The following AFG2A variants were observed in gnomAD, a reference collection of about 807,000 sequenced individuals.
AFG2A encodes AAA ATPase AFG2A, also known as ATPase family gene 2 protein homolog A.
At chr4:123,249,599 T>C in the AFG2A span, among the ~76,000 whole-genome samples, 252 of 152,310 alleles carry the variant, frequency 1.7e-3, 1 homozygote, top group Non-Finnish European at 3.0e-3. Flanking sequence ...ACAGCAGTTA[T>C]GATATTCTAG....
chr4:123,158,855 G>C, the AFG2A span, among the ~76,000 whole-genome samples: 1 of 152,230 alleles, frequency 6.6e-6, no homozygotes, highest in African/African-American at 2.4e-5. Context: ...AAAACTCAAA[G>C]TTCAAATTCA....
the AFG2A span, among the ~76,000 whole-genome samples, chr4:123,115,521 G>T: frequency 4.6e-5 from 7 of 152,072 alleles, no homozygotes; most frequent in African/African-American, 1.7e-4. Context: ...CACTCTGTGC[G>T]CAACTGCAGC....
chr4:123,304,217 G>A, the AFG2A span, among the ~76,000 whole-genome samples: 1 of 152,128 alleles, frequency 6.6e-6, no homozygotes, highest in African/African-American at 2.4e-5. Context: ...GCAGCCAGGA[G>A]CCTGCTGTGC....
At chr4:123,131,324 G>A in the AFG2A span, among the ~76,000 whole-genome samples, 3 of 151,520 alleles carry the variant, frequency 2.0e-5, no homozygotes, top group African/African-American at 4.8e-5. Flanking sequence ...TTTTTATTGC[G>A]GTAAAAAAGC....
the AFG2A span, among the ~76,000 whole-genome samples, chr4:123,067,647 G>T: frequency 1.3e-5 from 2 of 152,254 alleles, no homozygotes; most frequent in South Asian, 4.1e-4. Flanking sequence ...TAAGATGCTG[G>T]TATATAATTT....
At chr4:122,925,547 C>T in the AFG2A span, among the ~76,000 whole-genome samples, 862 of 152,284 alleles carry the variant, frequency 5.7e-3, 8 homozygotes, top group African/African-American at 0.019. Flanking sequence ...ATACCCCCTT[C>T]TGCCCAGGAA....
the AFG2A span, among the ~76,000 whole-genome samples, chr4:122,999,631 T>C: frequency 6.6e-6 from 1 of 152,026 alleles, no homozygotes; most frequent in Admixed American, 6.5e-5. Context: ...ATAGGTGGCA[T>C]TATTTCTGAG....
At chr4:123,065,591 A>G in the AFG2A span, among the ~76,000 whole-genome samples, 1 of 152,228 alleles carries the variant, frequency 6.6e-6, no homozygotes, top group Non-Finnish European at 1.5e-5. Context: ...CTACCTCGAC[A>G]GAGTTTATAC....
chr4:123,007,868 G>C, the AFG2A span, among the ~76,000 whole-genome samples: 2 of 151,860 alleles, frequency 1.3e-5, no homozygotes, highest in Non-Finnish European at 2.9e-5. Flanking sequence ...TAAGTTGGGA[G>C]CAATCATAGG....
the AFG2A span, among the ~76,000 whole-genome samples, chr4:123,138,162 T>G: frequency 6.6e-6 from 1 of 152,194 alleles, no homozygotes; most frequent in Non-Finnish European, 1.5e-5. Flanking sequence ...TGTCCATGCC[T>G]CCTTTCTTGG....
chr4:123,241,365 T>G, the AFG2A span, among the ~76,000 whole-genome samples: 4 of 152,120 alleles, frequency 2.6e-5, no homozygotes, highest in African/African-American at 9.7e-5. Flanking sequence ...CTGATGAACA[T>G]CGATGCGAGA....
At chr4:122,925,356 G>C in the AFG2A span, among the ~76,000 whole-genome samples, 1 of 152,180 alleles carries the variant, frequency 6.6e-6, no homozygotes, top group South Asian at 2.1e-4. Flanking sequence ...GAATGATCTT[G>C]TAAGATGAAG....
chr4:123,247,428 T>C, the AFG2A span, among the ~76,000 whole-genome samples: 46 of 152,212 alleles, frequency 3.0e-4, no homozygotes, highest in South Asian at 7.1e-3. Context: ...TTAAGGGTAA[T>C]TGATCTTTTG....
At chr4:123,200,563 G>A in the AFG2A span, among the ~76,000 whole-genome samples, 1 of 152,218 alleles carries the variant, frequency 6.6e-6, no homozygotes, top group African/African-American at 2.4e-5. Flanking sequence ...TGGTTGCTCG[G>A]TGGAGAGTGC....
At chr4:123,304,158 AC>A in the AFG2A span, among the ~76,000 whole-genome samples, 3 of 152,008 alleles carry the variant, frequency 2.0e-5, no homozygotes, top group East Asian at 5.8e-4. Flanking sequence ...AGTTTGGGGC[AC>A]CCCTTGCTGT....
At chr4:122,933,514 A>G in the AFG2A span, 1 of 1,605,352 alleles carries the variant, frequency 6.2e-7, no homozygotes, top group East Asian at 2.2e-5. Flanking sequence ...CAAATATTTT[A>G]AATTGTTTTC....
the AFG2A span, among the ~76,000 whole-genome samples, chr4:123,181,140 G>T: frequency 1.3e-5 from 2 of 151,818 alleles, no homozygotes; most frequent in Admixed American, 1.3e-4. Context: ...ACCCGCCACC[G>T]CGCCTGGCTA....
At chr4:123,124,614 G>C in the AFG2A span, among the ~76,000 whole-genome samples, 1 of 151,998 alleles carries the variant, frequency 6.6e-6, no homozygotes, top group South Asian at 2.1e-4. Flanking sequence ...TTGTGCACAT[G>C]TACCCTGGAA....
At chr4:123,118,258 A>C in the AFG2A span, among the ~76,000 whole-genome samples, 3 of 145,640 alleles carry the variant, frequency 2.1e-5, no homozygotes, top group Non-Finnish European at 4.5e-5. Context: ...CACAAACAAA[A>C]AAATATGCAA....
Sources: allele counts gnomAD v4.1 joint callset (sites outside exome capture counted in the v4.1 genomes callset), GRCh38; gene constraint gnomAD v4.1.1; transcripts MANE v1.5; gene names NCBI Gene and HGNC (gene_info 2026-07-23, HGNC 2026-07-21).